The following SLC6A18 variants were observed in gnomAD, a reference collection of about 807,000 sequenced individuals.
SLC6A18 encodes solute carrier family 6 member 18.
A neutral mutation model predicts 62.9 loss-of-function variants in SLC6A18; 58 were observed. The ratio of observed to expected loss-of-function variants is 0.92; its 90% CI spans 0.75 to 1.15. The LOEUF (loss-of-function observed/expected upper bound fraction) is 1.15, where lower values mean the gene tolerates loss of function less well. Ranked by LOEUF, SLC6A18 falls within the 50% of genes most tolerant of loss-of-function variation. The pLI is 0.00. For synonymous variants in SLC6A18, 382 were observed against 365.8 expected, an observed-to-expected ratio of 1.04 and a Z score of -0.51; for missense variants, 793 against 836.6, an observed-to-expected ratio of 0.95 and a Z score of 0.64.
Position 1,242,840 on chromosome 5 carries a change from C to T in SLC6A18, c.1108C>T (p.Leu370Phe). 6.2e-7 allele frequency: 1 copy of T among 1,611,912 alleles called. No individual in the cohort carries two copies. The highest frequency in any genetic ancestry group is 8.5e-7 in the Non-Finnish European group (1 of 1,178,860). Reference sequence around the variant, plus strand: ...GGCCCAGCTCCCCCTGAAGGCCTGCCTCCTGGAAGACTTTCTGGATAAGGT... The same window carrying T: ...GGCCCAGCTCCCCCTGAAGGCCTGCTTCCTGGAAGACTTTCTGGATAAGGT... Reference protein sequence around the residue: ...RVAQLPLKACLLEDFLDKSAS... With the variant: ...RVAQLPLKACFLEDFLDKSAS... The change falls in exon 8 of 12, where the codon CTC becomes TTC. Residue 370 changes from leucine (L) to phenylalanine (F), a missense_variant. Coordinates refer to ENST00000324642, the MANE Select transcript of SLC6A18 (RefSeq NM_182632.3).
chr5:1,235,718 CTCCCCATTGA>C, intron 4 of SLC6A18, 56 bp downstream of exon 4: 1 of 1,573,426 alleles, frequency 6.4e-7, no homozygotes, highest in Non-Finnish European at 8.7e-7. Flanking sequence ...CCCAAGACCC[CTCCCCATTGA>C]CCTGTGTTCG....
chr5:1,242,241 A>T (rs1370305352), intron 7 of SLC6A18, among the ~76,000 whole-genome samples: 1 of 152,162 alleles, frequency 6.6e-6, no homozygotes, highest in Non-Finnish European at 1.5e-5. Context: ...TTCCAAACCC[A>T]GGGGGGTAGA....
chr5:1,239,331 C>T, intron 5 of SLC6A18, 119 bp from the exon 6 acceptor site: 1 of 717,810 alleles, frequency 1.4e-6, no homozygotes, highest in Non-Finnish European at 2.5e-6. Context: ...GGTGTCTGTA[C>T]AGGTCACACT....
At chr5:1,232,913 T>G (rs773711039) in intron 3 of SLC6A18, 25 bp downstream of exon 3, 101 of 1,599,160 alleles carry the variant, frequency 6.3e-5, no homozygotes, top group Non-Finnish European at 8.3e-5. Flanking sequence ...GCCTGCTGTG[T>G]GGGTCCGTGC....
chr5:1,227,408 C>T (rs1336807888), intron 1 of SLC6A18, among the ~76,000 whole-genome samples: 3 of 152,200 alleles, frequency 2.0e-5, no homozygotes, highest in Non-Finnish European at 4.4e-5. Flanking sequence ...TGCAAGCCAC[C>T]GGGTTGCATG....
At chr5:1,245,458 T>G (rs1747193537) in intron 11 of SLC6A18, among the ~76,000 whole-genome samples, 1 of 151,824 alleles carries the variant, frequency 6.6e-6, no homozygotes, top group South Asian at 2.1e-4. Flanking sequence ...GAAGGAGGAG[T>G]GACCATGTAT....
intron 1 of SLC6A18, among the ~76,000 whole-genome samples, chr5:1,230,648 G>C (rs1209980079): frequency 2.6e-5 from 4 of 152,218 alleles, no homozygotes; most frequent in African/African-American, 9.6e-5. Flanking sequence ...GAGCAAGGCT[G>C]TGTTGATGAC....
intron 7 of SLC6A18, among the ~76,000 whole-genome samples, chr5:1,242,092 T>C (rs1370325991): frequency 6.8e-6 from 1 of 147,524 alleles, no homozygotes; most frequent in Non-Finnish European, 1.5e-5. Context: ...GCGGGTGGGC[T>C]GAAGTCCTCC....
chr5:1,233,926 A>G (rs568454665), intron 3 of SLC6A18, among the ~76,000 whole-genome samples: 4 of 152,078 alleles, frequency 2.6e-5, no homozygotes, highest in East Asian at 1.9e-4. Flanking sequence ...TATTTTTAGT[A>G]GAGACGGGGT....
At chr5:1,235,445 C>T in intron 3 of SLC6A18, 36 bp from the exon 4 acceptor site, 3 of 1,605,062 alleles carry the variant, frequency 1.9e-6, no homozygotes, top group Non-Finnish European at 2.6e-6. Context: ...GTGCCTACGC[C>T]CCACAGCCAG....
intron 3 of SLC6A18, among the ~76,000 whole-genome samples, chr5:1,233,869 A>G (rs7378630): frequency 0.95 from 144,432 of 151,942 alleles, 68,851 homozygotes; most frequent in Non-Finnish European, 0.97. Flanking sequence ...AGCCTCCCAA[A>G]TAGCTAGGAC....
In SLC6A18 at chr5:1,236,144, C is replaced by A. The variant is rs143099234; in HGVS notation, c.621+482C>A. ...TGTGCCCCATCTGTTTTTTTTTATT[C>A]TTGTTTCTCTCTTTCTCTAGGTATT... On this transcript the variant is annotated intron_variant, in intron 4 of 11. Coordinates refer to ENST00000324642, the MANE Select transcript of SLC6A18 (RefSeq NM_182632.3). Among the ~76,000 whole-genome samples the A allele has an allele frequency of 9.9e-4, 149 of 150,822 alleles. 1 individual carries two copies. The highest frequency in any genetic ancestry group is 3.5e-3 in the African/African-American group (145 of 41,118).
intron 8 of SLC6A18, 114 bp downstream of exon 8, chr5:1,242,977 A>T: frequency 1.6e-6 from 2 of 1,260,526 alleles, no homozygotes; most frequent in African/African-American, 1.5e-5. Context: ...ACCCAGGGCC[A>T]GGGCCTGTGA....
chr5:1,228,729 G>A (rs112309489), intron 1 of SLC6A18, among the ~76,000 whole-genome samples: 13 of 152,292 alleles, frequency 8.5e-5, no homozygotes, highest in African/African-American at 2.4e-4. Flanking sequence ...AAAATTAGCC[G>A]GGCGTGCTGG....
At chr5:1,242,235 A>G (rs558900020) in intron 7 of SLC6A18, among the ~76,000 whole-genome samples, 1 of 152,322 alleles carries the variant, frequency 6.6e-6, no homozygotes, top group Admixed American at 6.5e-5. Flanking sequence ...CTCCCCTTCC[A>G]AACCCAGGGG....
chr5:1,227,819 G>A (rs372602748), intron 1 of SLC6A18, among the ~76,000 whole-genome samples: 10 of 152,194 alleles, frequency 6.6e-5, no homozygotes, highest in East Asian at 1.9e-4. Flanking sequence ...ACGTAGACTC[G>A]TAAATGCCAA....
chr5:1,246,007 G>C lies in SLC6A18; in HGVS notation c.1816G>C (p.Asp606His). Residue 606 changes from aspartate (D) to histidine (H), a missense_variant, in exon 12 of 12, where the codon GAC (aspartate) becomes CAC (histidine). Transcript: ENST00000324642. ...GTGGAGGGACAGGGACGCGCGCCCA[G>C]ACACGGACATGCGCCCGGACACGGA... ...RTWRDRDARP[D>H]TDMRPDTDTR... is the part of the protein sequence containing the mutation. The C allele has an allele frequency of 6.3e-7, 1 of 1,596,662 alleles. No homozygotes were observed. The highest frequency in any genetic ancestry group is 8.5e-7 in the Non-Finnish European group (1 of 1,177,030).
chr5:1,235,168 T>G (rs1746851390), intron 3 of SLC6A18, among the ~76,000 whole-genome samples: 1 of 152,116 alleles, frequency 6.6e-6, no homozygotes, highest in Non-Finnish European at 1.5e-5. Context: ...TCTGGGATGG[T>G]GGGTGGCAGG....
chr5:1,229,180 C>T (rs1277074506), intron 1 of SLC6A18, among the ~76,000 whole-genome samples: 1 of 152,146 alleles, frequency 6.6e-6, no homozygotes, highest in Non-Finnish European at 1.5e-5. Flanking sequence ...GTCGACGTTC[C>T]TGTTTCGTGA....
Sources: gnomAD v4.1 joint callset for allele counts (sites outside exome capture counted in the v4.1 genomes callset) on GRCh38, gnomAD v4.1.1 for gene constraint, MANE v1.5 for transcripts, NCBI Gene and HGNC (gene_info 2026-07-23, HGNC 2026-07-21) for gene names.